Variants in STAT5B observed in about 807,000 individuals in gnomAD.
STAT5B encodes the protein transcription factor STAT5B.
In STAT5B, 21 loss-of-function variants were observed where a neutral mutation model predicts 107.8. The observed-to-expected ratio is 0.19, with a 90% confidence interval of 0.14 to 0.28. The LOEUF (loss-of-function observed/expected upper bound fraction) is 0.28. Among genes scored for constraint, STAT5B ranks in the 10% least tolerant of loss-of-function variants. STAT5B has a pLI of 1.00. For synonymous variants in STAT5B, 325 were observed against 401.7 expected (o/e 0.81, Z 2.28); for missense variants, 565 against 1,008.2 (o/e 0.56, Z 5.95).
intron 1 of STAT5B, among the ~76,000 whole-genome samples, chr17:42,262,916 A>ATG (rs1279234652): frequency 8.7e-6 from 1 of 114,424 alleles, no homozygotes; most frequent in East Asian, 2.6e-4. Context: ...GTGTATATAT[A>ATG]TGTGTGTATA....
At chr17:42,263,871 G>GCA (rs3222522) in intron 1 of STAT5B, among the ~76,000 whole-genome samples, 9,096 of 144,908 alleles carry the variant, frequency 0.063, 340 homozygotes, top group African/African-American at 0.11. Context: ...TAGAAAGCGC[G>GCA]CACACACACA....
Position 42,200,445 on chromosome 17 carries a change from A to T in STAT5B, c.*1293T>A. The T allele has an allele frequency of 6.6e-6, 1 of 152,636 alleles. No homozygotes were observed. Among genetic ancestry groups the T allele is most frequent in the Non-Finnish European group, 1.5e-5 (1 of 67,976 alleles). The allele number at this position is 152,636 out of a possible 1,614,324, so 9.5% of individuals were successfully genotyped here. ...AGCTACAGAAGAAGTCGTGGAACAAAATTATACCGAGGCTTTTTTTGTTTT... is the reference window on the plus strand; with the variant it reads ...AGCTACAGAAGAAGTCGTGGAACAATATTATACCGAGGCTTTTTTTGTTTT... On this transcript the variant is annotated 3_prime_UTR_variant, in exon 19 of 19. Coordinates refer to ENST00000293328, the MANE Select transcript of STAT5B (RefSeq NM_012448.4).
At chr17:42,206,371 T>A (rs1286644026) in intron 16 of STAT5B, among the ~76,000 whole-genome samples, 1 of 152,096 alleles carries the variant, frequency 6.6e-6, no homozygotes, top group East Asian at 1.9e-4. Flanking sequence ...ATTACAGGCA[T>A]GAGCCACCGC....
chr17:42,207,987 C>G (rs2080099842), intron 15 of STAT5B, among the ~76,000 whole-genome samples: 1 of 152,170 alleles, frequency 6.6e-6, no homozygotes, highest in South Asian at 2.1e-4. Flanking sequence ...CTCCAACTCC[C>G]TGGTTCAAGC....
chr17:42,222,066 CTG>C (rs1567661433), intron 5 of STAT5B, among the ~76,000 whole-genome samples: 3 of 109,402 alleles, frequency 2.7e-5, no homozygotes, highest in African/African-American at 1.1e-4. Flanking sequence ...TGTGTGTGTG[CTG>C]TGTGTGGTGT....
intron 1 of STAT5B, among the ~76,000 whole-genome samples, chr17:42,245,669 C>T (rs551651850): frequency 3.9e-5 from 6 of 152,158 alleles, no homozygotes; most frequent in Non-Finnish European, 4.4e-5. Flanking sequence ...ATTACAGGTG[C>T]CCACCACCAT....
the STAT5B span, among the ~76,000 whole-genome samples, chr17:42,282,325 ACTGAGT>A: frequency 3.3e-3 from 500 of 151,900 alleles, 5 homozygotes; most frequent in African/African-American, 0.011. Flanking sequence ...AGCCACTGTG[ACTGAGT>A]CTTTTTTTTT....
At chr17:42,253,149 CT>C (rs1243199963) in intron 1 of STAT5B, among the ~76,000 whole-genome samples, 4 of 151,386 alleles carry the variant, frequency 2.6e-5, no homozygotes, top group African/African-American at 9.8e-5. Context: ...TTTTTCATCT[CT>C]GTGAGTTCTT....
chr17:42,259,949 C>T (rs952797599), intron 1 of STAT5B, among the ~76,000 whole-genome samples: 4 of 152,078 alleles, frequency 2.6e-5, no homozygotes, highest in African/African-American at 7.2e-5. Context: ...GTTTGCTGCA[C>T]CAAGCGACCC....
Position 42,210,316 on chromosome 17 carries a change from A to T in STAT5B, c.1776-15T>A. The T allele has an allele frequency of 6.2e-7, 1 of 1,614,202 alleles. No individual in the cohort carries two copies. Among genetic ancestry groups the T allele is most frequent in the Non-Finnish European group, 8.5e-7 (1 of 1,180,044 alleles). ...CCAAAATGGCCCTGGATCACCAAGGACAAAGGACAGAAGCAGAGTGTGACT... is the reference window on the plus strand; with the variant it reads ...CCAAAATGGCCCTGGATCACCAAGGTCAAAGGACAGAAGCAGAGTGTGACT... On this transcript the variant is annotated splice_polypyrimidine_tract_variant and intron_variant, in intron 14 of 18. Transcript: ENST00000293328.
the STAT5B span, among the ~76,000 whole-genome samples, chr17:42,284,750 G>A: frequency 6.6e-6 from 1 of 152,332 alleles, no homozygotes; most frequent in African/African-American, 2.4e-5. Flanking sequence ...CCGCCGGTGT[G>A]TGCTGGGCTT....
At chr17:42,214,723 A>G in intron 12 of STAT5B, 1 of 877,834 alleles carries the variant, frequency 1.1e-6, no homozygotes, top group African/African-American at 1.8e-5. Context: ...TCTATTGGAA[A>G]TATGTAACAA....
At chr17:42,204,347 G>T (rs1488283241) in intron 16 of STAT5B, among the ~76,000 whole-genome samples, 1 of 152,108 alleles carries the variant, frequency 6.6e-6, no homozygotes, top group Non-Finnish European at 1.5e-5. Context: ...TCTTGTTTCT[G>T]GGTACGTGAA....
intron 1 of STAT5B, chr17:42,234,520 T>C (rs1367812965): frequency 5.3e-5 from 8 of 152,218 alleles, no homozygotes; most frequent in Admixed American, 4.6e-4. Flanking sequence ...TCGCAAGATT[T>C]TGGAAAACCA....
At chr17:42,276,834 G>C (rs1010289822), upstream of STAT5B, 1 of 152,272 alleles carries the variant, frequency 6.6e-6, no homozygotes, top group African/African-American at 2.4e-5. The surrounding 1 kb of genome is among the most constrained non-coding windows in gnomAD (Gnocchi z 4.8). Context: ...CTCTCCCGCC[G>C]AGGCCGAGGT....
chr17:42,221,305 C>A (rs1439981235), intron 5 of STAT5B, among the ~76,000 whole-genome samples: 1 of 151,280 alleles, frequency 6.6e-6, no homozygotes, highest in Non-Finnish European at 1.5e-5. Flanking sequence ...CTGGGCCCAG[C>A]CTTCCTATGC....
intron 1 of STAT5B, among the ~76,000 whole-genome samples, chr17:42,270,183 T>C (rs759572022): frequency 2.0e-5 from 3 of 152,164 alleles, no homozygotes; most frequent in Non-Finnish European, 4.4e-5. Context: ...CATTCCAGCC[T>C]GGGTGACAGA....
chr17:42,270,104 GGA>G (rs1567680030), intron 1 of STAT5B, among the ~76,000 whole-genome samples: 1 of 152,112 alleles, frequency 6.6e-6, no homozygotes, highest in Non-Finnish European at 1.5e-5. Context: ...TAGCTACTCC[GGA>G]GGCTGGGCAG....
intron 12 of STAT5B, 53 bp from the exon 13 acceptor site, chr17:42,212,243 C>T (rs990957485): frequency 6.2e-7 from 1 of 1,612,480 alleles, no homozygotes; most frequent in Non-Finnish European, 8.5e-7. Context: ...ATGATTTATT[C>T]CCTCAAGCCA....
Sources: gnomAD v4.1 joint callset for allele counts (sites outside exome capture counted in the v4.1 genomes callset) on GRCh38, gnomAD v4.1.1 for gene constraint, Gnocchi (gnomAD v3.1) non-coding constraint, MANE v1.5 for transcripts, NCBI Gene and HGNC (gene_info 2026-07-23, HGNC 2026-07-21) for gene names.